SURF4: variants seen among roughly 807,000 people sequenced by gnomAD.
The protein encoded by SURF4 is surfeit locus protein 4.
In SURF4, 3 loss-of-function variants were observed where a neutral mutation model predicts 30.0. That is an observed-to-expected ratio of 0.10 (90% CI 0.05 to 0.26). SURF4 has a LOEUF of 0.26. Among genes scored for constraint, SURF4 ranks in the 10% least tolerant of loss-of-function variants. SURF4 has a pLI of 1.00. For synonymous variants in SURF4, 143 were observed against 139.9 expected, an observed-to-expected ratio of 1.02 and a Z score of -0.16; for missense variants, 217 against 350.8, an observed-to-expected ratio of 0.62 and a Z score of 3.05.
intron 1 of SURF4, chr9:133,375,150 G>C: frequency 1.1e-6 from 1 of 897,054 alleles, no homozygotes; most frequent in Non-Finnish European, 1.3e-6. Flanking sequence ...CACTTTGTAG[G>C]ATCGGATCCT....
intron 2 of SURF4, 83 bp from the exon 3 acceptor site, chr9:133,366,758 GC>G (rs1406351059): frequency 7.5e-7 from 1 of 1,332,746 alleles, no homozygotes; most frequent in Non-Finnish European, 1.1e-6. Context: ...ACCTCACCTG[GC>G]CCTTAGGTCC....
At position 133,365,951 on chromosome 9, in the gene SURF4, G is replaced by A. The variant is rs187350389; in HGVS notation, c.356+34C>T. 1.0e-4 allele frequency: 166 copies of A among 1,607,102 alleles called. No individual in the cohort carries two copies. In the African/African-American group the frequency reaches 2.0e-3, roughly 19 times the overall value. On this transcript the variant is annotated intron_variant, in intron 4 of 5. Transcript: ENST00000371989. ...ATTTGCAATGCTCAACCTGTAGAAG[G>A]AGCGTATACTAAAACCAACCAGAAT... is the stretch of plus-strand genomic sequence containing the variant.
At chr9:133,365,125 C>T in intron 4 of SURF4, 99 bp from the exon 5 acceptor site, 2 of 1,122,424 alleles carry the variant, frequency 1.8e-6, no homozygotes, top group Non-Finnish European at 2.5e-6. Flanking sequence ...TATAAGAAGG[C>T]CCTTACTTCC....
intron 1 of SURF4, 98 bp from the exon 2 acceptor site, chr9:133,367,543 G>A (rs2130145555): frequency 4.3e-5 from 67 of 1,576,274 alleles, no homozygotes; most frequent in Non-Finnish European, 5.5e-5. Context: ...AGGAACAGAC[G>A]CTGTGGAAGG....
At chr9:133,377,484 G>A (rs1392703462), upstream of SURF4, among the ~76,000 whole-genome samples, 6 of 152,180 alleles carry the variant, frequency 3.9e-5, no homozygotes, top group Admixed American at 3.9e-4. Context: ...TGACCAACAT[G>A]GAGAAACTGT....
chr9:133,375,892 G>A, intron 1 of SURF4, 30 bp downstream of exon 1: 33 of 1,221,162 alleles, frequency 2.7e-5, no homozygotes, highest in Non-Finnish European at 3.4e-5. Flanking sequence ...GGTCGGGACC[G>A]GGGCCGGGGG....
chr9:133,363,684 T>G lies in SURF4; in HGVS notation c.619A>C (p.Thr207Pro). 1.2e-6 allele frequency: 2 copies of G among 1,614,030 alleles called. No individual in the cohort carries two copies. The highest frequency in any genetic ancestry group is 8.5e-7 in the Non-Finnish European group (1 of 1,180,000). ...ATGGCAAAGAGCCACACAACAAGAGTCAAAGCAGCCAGCTTGGTTTTAAAA... is the reference window on the plus strand; with the variant it reads ...ATGGCAAAGAGCCACACAACAAGAGGCAAAGCAGCCAGCTTGGTTTTAAAA... Reference protein sequence around the residue: ...IGFKTKLAALTLVVWLFAINV... With the variant: ...IGFKTKLAALPLVVWLFAINV... The change falls in exon 6 of 6, where the codon ACT (threonine) becomes CCT (proline). Residue 207 changes from threonine (T) to proline (P), a missense_variant. Coordinates refer to ENST00000371989, the MANE Select transcript of SURF4 (RefSeq NM_033161.4). This position sits in a 1 kb window ranked among gnomAD's most constrained non-coding sequence, Gnocchi z 4.3.
chr9:133,366,770 A>G (rs1837202091), intron 2 of SURF4, 95 bp from the exon 3 acceptor site: 35 of 1,150,246 alleles, frequency 3.0e-5, no homozygotes, highest in Non-Finnish European at 4.3e-5. Flanking sequence ...CCTTAGGTCC[A>G]GAGGCAGCCA....
At position 133,363,525 on chromosome 9, in the gene SURF4, CACCCCCA is replaced by C; in HGVS notation, c.771_777del (p.Gly258SerfsTer99). The C allele has an allele frequency of 6.2e-7, 1 of 1,614,218 alleles. No individual in the cohort carries two copies. Among genetic ancestry groups the C allele is most frequent in the Non-Finnish European group, 8.5e-7 (1 of 1,180,042 alleles). ...TCCTTCTTCTTCTCATCCATGGAGA[CACCCCCA>C]GGGCCCAGGGCCACCACCAGGAGCA... is the stretch of plus-strand genomic sequence containing the variant. On this transcript the variant is annotated frameshift_variant, in exon 6 of 6. Coordinates refer to ENST00000371989, the MANE Select transcript of SURF4 (RefSeq NM_033161.4). LOFTEE classifies it high-confidence loss of function. The surrounding 1 kb of genome is among the most constrained non-coding windows in gnomAD (Gnocchi z 4.3).
rs2130111566 is a variant in SURF4, at chr9:133,364,938, G to A, written c.445C>T (p.Arg149Cys). Residue 149 changes from arginine to cysteine, a missense_variant, in exon 5 of 6, where the codon CGT (arginine) becomes TGT (cysteine). Coordinates refer to ENST00000371989, the MANE Select transcript of SURF4 (RefSeq NM_033161.4). ...ATGTACTGTTTGGGGGAGCTCTCACGCATGGTGGGGACGCCCGCAAACATG... is the reference window on the plus strand; with the variant it reads ...ATGTACTGTTTGGGGGAGCTCTCACACATGGTGGGGACGCCCGCAAACATG... Reference protein sequence around the residue: ...KSMFAGVPTMRESSPKQYMQL... With the variant: ...KSMFAGVPTMCESSPKQYMQL... 5.6e-6 allele frequency: 9 copies of A among 1,613,740 alleles called. No homozygotes were observed. Among genetic ancestry groups the A allele is most frequent in the East Asian group, 2.2e-5 (1 of 44,852 alleles).
At chr9:133,370,287 C>T (rs1837427914) in intron 1 of SURF4, among the ~76,000 whole-genome samples, 2 of 152,180 alleles carry the variant, frequency 1.3e-5, no homozygotes, top group African/African-American at 4.8e-5. Context: ...TCCTTCCCTG[C>T]GCAAACATGG....
chr9:133,370,934 G>A, intron 1 of SURF4: 2 of 1,289,668 alleles, frequency 1.6e-6, no homozygotes, highest in Non-Finnish European at 1.0e-6. Context: ...AGCAGGATAT[G>A]GTTCATAAGC....
upstream of SURF4, chr9:133,376,366 G>A: frequency 2.1e-6 from 3 of 1,399,212 alleles, no homozygotes; most frequent in Non-Finnish European, 2.8e-6. Flanking sequence ...AGGGACGCCT[G>A]AGTGCCTCGA....
intron 1 of SURF4, chr9:133,371,044 A>T: frequency 7.9e-7 from 1 of 1,268,082 alleles, no homozygotes; most frequent in Non-Finnish European, 1.0e-6. Context: ...GTAATTAATT[A>T]TATCCACCCT....
chr9:133,366,148 A>C, intron 3 of SURF4, 120 bp from the exon 4 acceptor site: 2 of 968,428 alleles, frequency 2.1e-6, no homozygotes, highest in Non-Finnish European at 3.2e-6. Flanking sequence ...ACACAAAACC[A>C]TTGTAGGAGA....
At chr9:133,374,716 C>A (rs904112076) in intron 1 of SURF4, among the ~76,000 whole-genome samples, 1 of 152,048 alleles carries the variant, frequency 6.6e-6, no homozygotes, top group Non-Finnish European at 1.5e-5. Context: ...CAATGAGAAC[C>A]GATGGTGAGG....
chr9:133,372,327 C>T (rs928680380), intron 1 of SURF4, among the ~76,000 whole-genome samples: 1 of 152,208 alleles, frequency 6.6e-6, no homozygotes, highest in Non-Finnish European at 1.5e-5. Context: ...CTCTGCAGGC[C>T]AGAAGGAAAG....
upstream of SURF4, chr9:133,376,536 C>G (rs2130249109): frequency 6.2e-6 from 10 of 1,600,242 alleles, no homozygotes; most frequent in African/African-American, 8.1e-5. Context: ...CAGGGTCCCC[C>G]GGAGAGCCCA....
intron 1 of SURF4, among the ~76,000 whole-genome samples, chr9:133,370,508 C>T (rs1382976810): frequency 6.6e-6 from 1 of 152,136 alleles, no homozygotes; most frequent in Non-Finnish European, 1.5e-5. Flanking sequence ...GAAAAAGCCA[C>T]GTTTAAAGAC....
Sources: gnomAD v4.1 joint callset for allele counts (sites outside exome capture counted in the v4.1 genomes callset) on GRCh38, gnomAD v4.1.1 for gene constraint, Gnocchi (gnomAD v3.1) non-coding constraint, MANE v1.5 for transcripts, NCBI Gene and HGNC (gene_info 2026-07-23, HGNC 2026-07-21) for gene names.